KIF16B: variants seen among roughly 807,000 people sequenced by gnomAD.
The protein encoded by KIF16B is kinesin family member 16B.
In KIF16B, 98 loss-of-function variants were observed where a neutral mutation model predicts 156.3. That is an observed-to-expected ratio of 0.63 (90% confidence interval 0.53 to 0.74). The LOEUF (loss-of-function observed/expected upper bound fraction) is 0.74. Ranked by LOEUF, KIF16B falls within the 30% of genes least tolerant of loss-of-function variation. The probability of loss-of-function intolerance (pLI) is 0.00; values close to 1 mark genes in which losing one functional copy is unlikely to be tolerated. For missense variants in KIF16B, 1,421 were observed against 1,606.5 expected (o/e 0.88, Z 1.97); for synonymous variants, 564 against 583.7 (o/e 0.97, Z 0.49).
At chr20:16,307,604 T>A (rs1190605951) in intron 25 of KIF16B, among the ~76,000 whole-genome samples, 1 of 152,228 alleles carries the variant, frequency 6.6e-6, no homozygotes, top group Admixed American at 6.5e-5. Context: ...GTGTGGTCCA[T>A]GTTTCAGACA....
intron 13 of KIF16B, among the ~76,000 whole-genome samples, chr20:16,429,593 C>T (rs1019905164): frequency 6.6e-6 from 1 of 152,086 alleles, no homozygotes; most frequent in Non-Finnish European, 1.5e-5. Flanking sequence ...AGTCTGTGTG[C>T]CTTTTTGTTC....
At chr20:16,547,643 G>A (rs1997902) in intron 1 of KIF16B, among the ~76,000 whole-genome samples, 53,020 of 151,682 alleles carry the variant, frequency 0.35, 9,306 homozygotes, top group African/African-American at 0.36. Flanking sequence ...CAGACACAGA[G>A]AATGCTATTC....
At chr20:16,354,477 TACACACACACACAC>T (rs10567864) in intron 23 of KIF16B, among the ~76,000 whole-genome samples, 25 of 148,748 alleles carry the variant, frequency 1.7e-4, no homozygotes, top group East Asian at 1.4e-3. Context: ...AATGGAATTC[TACACACACACACAC>T]ACACACACAC....
rs193027889 is a variant in KIF16B, at chr20:16,526,308, T to A, written c.118-103A>T. 59 of 521,514 alleles carry A rather than the reference T, an allele frequency of 1.1e-4. No homozygotes were observed. In the East Asian group the frequency reaches 1.7e-3, roughly 15 times the overall value. 32.3% of individuals were successfully genotyped at this position (521,514 alleles called of 1,614,324 possible). A position where few individuals can be genotyped will look rare whatever the true frequency, so the allele number is the denominator to read the frequency against. On this transcript the variant is annotated intron_variant, in intron 2 of 25. Coordinates refer to ENST00000354981, the MANE Select transcript of KIF16B (RefSeq NM_024704.5). ...TGACTAAAAACCATTTCATTCCTGC[T>A]GGCTTCTCTAAAAAAATAAATAAAT...
chr20:16,325,964 C>T (rs2063840817), intron 24 of KIF16B, among the ~76,000 whole-genome samples: 1 of 151,810 alleles, frequency 6.6e-6, no homozygotes. Flanking sequence ...TAGACCAACA[C>T]AACAGAATAG....
In KIF16B at chr20:16,377,411, T is replaced by C. The variant is rs1182078165; in HGVS notation, c.3197+1394A>G. Among the ~76,000 whole-genome samples, 5 of 139,776 alleles carry C rather than the reference T, an allele frequency of 3.6e-5. No individual in the cohort carries two copies. The South Asian group carries it at 8.6e-4, about 24-fold the overall frequency. 91.7% of individuals were successfully genotyped at this position (139,776 alleles called of 152,430 possible). A position where few individuals can be genotyped will look rare whatever the true frequency, so the allele number is the denominator to read the frequency against. On this transcript the variant is annotated intron_variant, in intron 19 of 25. Coordinates refer to ENST00000354981, the MANE Select transcript of KIF16B (RefSeq NM_024704.5). Reference sequence around the variant, plus strand: ...CCCATCTCTAAAAAAATAAAATACATAAAATAAATAAATAAATAAATAAAT... The same window carrying C: ...CCCATCTCTAAAAAAATAAAATACACAAAATAAATAAATAAATAAATAAAT...
At chr20:16,401,184 A>C (rs2065647980) in intron 17 of KIF16B, among the ~76,000 whole-genome samples, 1 of 152,256 alleles carries the variant, frequency 6.6e-6, no homozygotes. Context: ...AAGTCAGGTC[A>C]ACAGGCTGCA....
intron 19 of KIF16B, among the ~76,000 whole-genome samples, chr20:16,374,682 G>C (rs1407826691): frequency 6.6e-6 from 1 of 152,196 alleles, no homozygotes; most frequent in Non-Finnish European, 1.5e-5. Flanking sequence ...TGTGCTCCAA[G>C]CAAGTCCTAG....
intron 19 of KIF16B, 98 bp from the exon 20 acceptor site, chr20:16,374,507 T>A (rs776581022): frequency 4.6e-5 from 53 of 1,141,406 alleles, no homozygotes; most frequent in Non-Finnish European, 6.2e-5. Context: ...GGGAACAAGA[T>A]CTGTCCTCTG....
chr20:16,400,275 T>A (rs1184941635), intron 17 of KIF16B, among the ~76,000 whole-genome samples: 1 of 152,032 alleles, frequency 6.6e-6, no homozygotes, highest in Non-Finnish European at 1.5e-5. Context: ...CTTGAGAAAA[T>A]AGAAGAAGAA....
intron 1 of KIF16B, among the ~76,000 whole-genome samples, chr20:16,542,445 T>C (rs542548100): frequency 6.6e-6 from 1 of 152,250 alleles, no homozygotes; most frequent in East Asian, 1.9e-4. Context: ...AACAAAATAA[T>C]ACTCTATCAT....
At chr20:16,418,715 T>A (rs1202654309) in intron 15 of KIF16B, among the ~76,000 whole-genome samples, 6 of 152,154 alleles carry the variant, frequency 3.9e-5, no homozygotes, top group Non-Finnish European at 8.8e-5. Flanking sequence ...CTGCCAGTTT[T>A]TGTTCACGCA....
intron 1 of KIF16B, among the ~76,000 whole-genome samples, chr20:16,563,394 G>A (rs966756206): frequency 6.6e-6 from 1 of 152,164 alleles, no homozygotes; most frequent in East Asian, 1.9e-4. Context: ...CCTCAGGAAG[G>A]AGCTAAAACA....
intron 23 of KIF16B, among the ~76,000 whole-genome samples, chr20:16,353,253 C>A (rs1012234403): frequency 6.6e-6 from 1 of 152,084 alleles, no homozygotes; most frequent in African/African-American, 2.4e-5. Context: ...ATAAGCATGA[C>A]TATTTGTTCT....
intron 1 of KIF16B, among the ~76,000 whole-genome samples, chr20:16,572,583 A>G (rs1440537894): frequency 4.6e-5 from 7 of 152,386 alleles, no homozygotes; most frequent in Non-Finnish European, 2.9e-5. Context: ...AAGGATTCTG[A>G]AAAAGCATTA....
rs189773340 is a variant in KIF16B at position 16,290,353 on chromosome 20, C to T, written c.3796-16942G>A. On this transcript the variant is annotated intron_variant, in intron 25 of 25. Transcript: ENST00000354981. ...GAACACTCAATGACTCTATCGTGTG[C>T]CTCTGCAGCTGTGGCTGAACAGAAT... is the stretch of plus-strand genomic sequence containing the variant. Among the ~76,000 whole-genome samples the T allele has an allele frequency of 2.6e-5, 4 of 152,330 alleles. No homozygotes were observed. In the East Asian group the frequency reaches 7.7e-4, roughly 29 times the overall value.
At chr20:16,360,197 C>T (rs1056838705) in intron 22 of KIF16B, among the ~76,000 whole-genome samples, 1 of 151,960 alleles carries the variant, frequency 6.6e-6, no homozygotes, top group Non-Finnish European at 1.5e-5. Flanking sequence ...TCTCAGGGTA[C>T]AGTGTAAAAA....
At chr20:16,303,683 C>G (rs1181645828) in intron 25 of KIF16B, among the ~76,000 whole-genome samples, 1 of 152,204 alleles carries the variant, frequency 6.6e-6, no homozygotes, top group African/African-American at 2.4e-5. Flanking sequence ...AATGAAGCAT[C>G]TGGAATCCTG....
At chr20:16,566,560 G>A (rs2071263698) in intron 1 of KIF16B, among the ~76,000 whole-genome samples, 1 of 152,184 alleles carries the variant, frequency 6.6e-6, no homozygotes, top group Non-Finnish European at 1.5e-5. Context: ...GCCCAGCACT[G>A]TACGAAATGC....
Sources: allele counts gnomAD v4.1 joint callset (sites outside exome capture counted in the v4.1 genomes callset), GRCh38; gene constraint gnomAD v4.1.1; transcripts MANE v1.5; gene names NCBI Gene and HGNC (gene_info 2026-07-23, HGNC 2026-07-21).